Variants in TSKS observed in about 807,000 individuals in gnomAD.
TSKS encodes the protein testis specific serine kinase substrate, also known as testis-specific serine kinase substrate.
In TSKS, 27 loss-of-function variants were observed where a neutral mutation model predicts 68.0. The observed-to-expected ratio is 0.40, with a 90% CI of 0.29 to 0.55. The LOEUF (loss-of-function observed/expected upper bound fraction) is 0.55. TSKS is among the 20% of genes least tolerant of loss of function. The probability of loss-of-function intolerance (pLI) is 0.53; values close to 1 mark genes in which losing one functional copy is unlikely to be tolerated. For missense variants in TSKS, 806 were observed against 776.0 expected, an observed-to-expected ratio of 1.04 and a Z score of -0.46; for synonymous variants, 331 against 340.4, an observed-to-expected ratio of 0.97 and a Z score of 0.30.
intron 2 of TSKS, among the ~76,000 whole-genome samples, chr19:49,760,017 G>A (rs2084427625): frequency 6.6e-6 from 1 of 151,840 alleles, no homozygotes; most frequent in Non-Finnish European, 1.5e-5. Context: ...GTCAGGTGTG[G>A]TGGCGCTCTT....
At chr19:49,746,877 A>G in intron 5 of TSKS, 79 bp from the exon 6 acceptor site, 1 of 1,547,148 alleles carries the variant, frequency 6.5e-7, no homozygotes, top group Non-Finnish European at 8.7e-7. Flanking sequence ...AATCCGCTCC[A>G]GTACTCCCCG....
intron 2 of TSKS, among the ~76,000 whole-genome samples, chr19:49,758,441 C>T (rs1481639600): frequency 6.6e-6 from 1 of 152,200 alleles, no homozygotes; most frequent in East Asian, 1.9e-4. Flanking sequence ...TTGATCCTGG[C>T]TGCCTGGGGT....
intron 2 of TSKS, among the ~76,000 whole-genome samples, chr19:49,750,290 T>C (rs2084339024): frequency 6.6e-6 from 1 of 151,066 alleles, no homozygotes; most frequent in African/African-American, 2.4e-5. Flanking sequence ...GACAGAGTCT[T>C]GCTCTTTTGT....
intron 2 of TSKS, among the ~76,000 whole-genome samples, chr19:49,753,780 A>T (rs977266069): frequency 6.6e-6 from 1 of 150,790 alleles, no homozygotes; most frequent in Admixed American, 6.6e-5. Flanking sequence ...AATAAATAAA[A>T]ATAATAAAAT....
chr19:49,747,457 C>T lies in TSKS; in HGVS notation c.595G>A (p.Val199Met), dbSNP rs774300434. ...TCAGCATCTTCCACAGACCGGGTCACCTTCCAGCAGTTCTCCTGGGTCAGA... is the reference window on the plus strand; with the variant it reads ...TCAGCATCTTCCACAGACCGGGTCATCTTCCAGCAGTTCTCCTGGGTCAGA... ...CIQLKENCWK[V>M]TRSVEDAEIK... The change falls in exon 5 of 11, where the codon GTG becomes ATG. Residue 199 changes from valine to methionine, a missense_variant. Transcript: ENST00000246801. 3 of 1,614,226 alleles carry T rather than the reference C, an allele frequency of 1.9e-6. No individual in the cohort carries two copies. Among genetic ancestry groups the T allele is most frequent in the Non-Finnish European group, 2.5e-6 (3 of 1,180,042 alleles).
At chr19:49,751,410 T>C (rs910409142) in intron 2 of TSKS, among the ~76,000 whole-genome samples, 12 of 150,846 alleles carry the variant, frequency 8.0e-5, no homozygotes, top group African/African-American at 2.9e-4. Flanking sequence ...ATTCTGGAAA[T>C]TAACCAAAGG....
Position 49,748,136 on chromosome 19 carries a change from C to T in TSKS, c.528G>A (p.Glu176=). The change falls in exon 4 of 11, where the codon GAG becomes GAA. Residue 176 remains glutamate (E), a synonymous_variant. Transcript: ENST00000246801. The part of the protein sequence containing the change: ...SECSVLSENL[E]RRRQEAEELE... ...ACTCTTCTGCCTCTTGCCGCCTTCTCTCCAGATTCTCGCTCAGCACAGAAC... is the reference window on the plus strand; with the variant it reads ...ACTCTTCTGCCTCTTGCCGCCTTCTTTCCAGATTCTCGCTCAGCACAGAAC... The T allele has an allele frequency of 6.2e-7, 1 of 1,614,206 alleles. No homozygotes were observed. The highest frequency in any genetic ancestry group is 8.5e-7 in the Non-Finnish European group (1 of 1,180,034).
At position 49,762,116 on chromosome 19, in the gene TSKS, G is replaced by T. The variant is rs749342962; in HGVS notation, c.287C>A (p.Thr96Lys). 1.2e-6 allele frequency: 2 copies of T among 1,614,010 alleles called. No individual in the cohort carries two copies. Among genetic ancestry groups the T allele is most frequent in the East Asian group, 2.2e-5 (1 of 44,896 alleles). The change falls in exon 2 of 11, where the codon ACG becomes AAG. Residue 96 changes from threonine to lysine, a missense_variant. Coordinates refer to ENST00000246801, the MANE Select transcript of TSKS (RefSeq NM_021733.2). ...GTCTTCCACTGTGGAGTCTGTCCCC[G>T]TGGAGTCAGTGGGCTCCATGGCGGC... is the stretch of plus-strand genomic sequence containing the variant. ...NLAAMEPTDSTGTDSTVEDLS... is the reference protein window; with the variant it reads ...NLAAMEPTDSKGTDSTVEDLS...
chr19:49,749,577 T>C (rs2084331746), intron 2 of TSKS, among the ~76,000 whole-genome samples: 1 of 151,980 alleles, frequency 6.6e-6, no homozygotes, highest in Non-Finnish European at 1.5e-5. Flanking sequence ...GACTAAGTTC[T>C]GGCCAATGGA....
At chr19:49,755,271 T>A (rs573000423) in intron 2 of TSKS, among the ~76,000 whole-genome samples, 6 of 152,218 alleles carry the variant, frequency 3.9e-5, no homozygotes, top group African/African-American at 1.4e-4. Flanking sequence ...CTCAGAGACC[T>A]ATGGATCTGG....
At chr19:49,762,977 T>G in intron 1 of TSKS, 101 bp downstream of exon 1, 1 of 1,457,720 alleles carries the variant, frequency 6.9e-7, no homozygotes, top group South Asian at 1.4e-5. Flanking sequence ...CCTGCTGGCT[T>G]TTCCCCCTCC....
At chr19:49,757,539 TA>T (rs1170790449) in intron 2 of TSKS, among the ~76,000 whole-genome samples, 1 of 152,202 alleles carries the variant, frequency 6.6e-6, no homozygotes, top group Non-Finnish European at 1.5e-5. Context: ...TTACTAGCCG[TA>T]TGACCTCATG....
At chr19:49,745,541 T>G (rs1467054679) in intron 6 of TSKS, 145 bp from the exon 7 acceptor site, 2 of 594,608 alleles carry the variant, frequency 3.4e-6, no homozygotes, top group Non-Finnish European at 5.5e-6. Flanking sequence ...GTCACCAAAT[T>G]TTATTGCACC....
Position 49,762,131 on chromosome 19 carries a change from T to C in TSKS, c.272A>G (p.Glu91Gly). 1.2e-6 allele frequency: 2 copies of C among 1,614,058 alleles called. No homozygotes were observed. Among genetic ancestry groups the C allele is most frequent in the Non-Finnish European group, 1.7e-6 (2 of 1,180,002 alleles). Residue 91 changes from glutamate to glycine, a missense_variant, in exon 2 of 11, where the codon GAG becomes GGG. By Grantham distance (98) the Glu-to-Gly change is moderately conservative. Transcript: ENST00000246801. ...GTCTGTCCCCGTGGAGTCAGTGGGC[T>C]CCATGGCGGCCAGGTTGAGCAGTGA... ...NVSLLNLAAMEPTDSTGTDST... is the reference protein window; with the variant it reads ...NVSLLNLAAMGPTDSTGTDST...
intron 2 of TSKS, among the ~76,000 whole-genome samples, chr19:49,755,916 G>A (rs568703090): frequency 9.2e-5 from 14 of 152,100 alleles, no homozygotes; most frequent in African/African-American, 3.1e-4. Flanking sequence ...CAGGAGAATC[G>A]CTTGAACCTG....
chr19:49,740,116 G>A lies in TSKS; in HGVS notation c.1565C>T (p.Ala522Val). The change falls in exon 10 of 11, where the codon GCC becomes GTC. Residue 522 changes from alanine to valine, a missense_variant. Coordinates refer to ENST00000246801, the MANE Select transcript of TSKS (RefSeq NM_021733.2). ...CTTGGCCCGCAGGGCCTCGTCTTGG[G>A]CCAGCCGAAGGGTGGAGCTCAGGGC... ...AEALSSTLRL[A>V]QDEALRAKNL... The A allele has an allele frequency of 1.9e-6, 3 of 1,614,126 alleles. No homozygotes were observed. Among genetic ancestry groups the A allele is most frequent in the Non-Finnish European group, 2.5e-6 (3 of 1,180,034 alleles).
chr19:49,750,406 G>T (rs2084340461), intron 2 of TSKS, among the ~76,000 whole-genome samples: 1 of 151,836 alleles, frequency 6.6e-6, no homozygotes, highest in Non-Finnish European at 1.5e-5. Context: ...CTACGGGCGT[G>T]CACCACCACA....
intron 2 of TSKS, among the ~76,000 whole-genome samples, chr19:49,759,545 G>A (rs1166699082): frequency 1.3e-5 from 2 of 151,434 alleles, no homozygotes; most frequent in Non-Finnish European, 2.9e-5. Flanking sequence ...TGAGGTGGGA[G>A]GATCACCTGG....
At position 49,763,046 on chromosome 19, in the gene TSKS, G is replaced by C; in HGVS notation, c.170+32C>G. The C allele has an allele frequency of 6.3e-7, 1 of 1,597,918 alleles. No homozygotes were observed. Among genetic ancestry groups the C allele is most frequent in the Non-Finnish European group, 8.5e-7 (1 of 1,172,348 alleles). On this transcript the variant is annotated intron_variant, in intron 1 of 10. Coordinates refer to ENST00000246801, the MANE Select transcript of TSKS (RefSeq NM_021733.2). The surrounding 1 kb of genome is among the most constrained non-coding windows in gnomAD (Gnocchi z 4.5). Reference sequence around the variant, plus strand: ...CTGTTGGAGGTAGTGCTGGGCATTAGAACCATCCCTGACAGTGTGCAACAA... The same window carrying C: ...CTGTTGGAGGTAGTGCTGGGCATTACAACCATCCCTGACAGTGTGCAACAA...
Sources: allele counts gnomAD v4.1 joint callset (sites outside exome capture counted in the v4.1 genomes callset), GRCh38; gene constraint gnomAD v4.1.1; non-coding constraint Gnocchi (gnomAD v3.1); transcripts MANE v1.5; gene names NCBI Gene and HGNC (gene_info 2026-07-23, HGNC 2026-07-21).